ERICH2: variants seen among roughly 807,000 people sequenced by gnomAD.
ERICH2 encodes the protein glutamate-rich protein 2.
ERICH2 carries 17 observed loss-of-function variants against 17.4 expected under a neutral mutation model. The observed-to-expected ratio is 0.98, with a 90% CI of 0.67 to 1.47. The LOEUF (loss-of-function observed/expected upper bound fraction) is 1.47, where lower values mean the gene tolerates loss of function less well. Among genes scored for constraint, ERICH2 ranks in the 40% most tolerant of loss-of-function variants. The pLI is 0.00. For synonymous variants in ERICH2, 51 were observed against 61.1 expected, an observed-to-expected ratio of 0.83 and a Z score of 0.77; for missense variants, 186 against 183.2, an observed-to-expected ratio of 1.01 and a Z score of -0.09.
the ERICH2 span, among the ~76,000 whole-genome samples, chr2:170,775,874 A>G: frequency 6.8e-5 from 1 of 14,802 alleles, no homozygotes; most frequent in Non-Finnish European, 1.6e-3. Flanking sequence ...AAAAATAAAA[A>G]CAATACGAAA....
At chr2:170,786,751 T>C (rs953765597) in intron 2 of ERICH2, among the ~76,000 whole-genome samples, 3 of 152,330 alleles carry the variant, frequency 2.0e-5, no homozygotes, top group Admixed American at 6.5e-5. Flanking sequence ...ATCTTTTCTT[T>C]GCAGTTATAA....
intron 3 of ERICH2, among the ~76,000 whole-genome samples, chr2:170,796,613 T>C (rs975980577): frequency 2.0e-5 from 3 of 152,044 alleles, no homozygotes; most frequent in African/African-American, 7.3e-5. Context: ...TTTTTGTATT[T>C]TTTTGTAGAG....
At chr2:170,791,090 A>G (rs1701277932) in intron 2 of ERICH2, among the ~76,000 whole-genome samples, 1 of 152,190 alleles carries the variant, frequency 6.6e-6, no homozygotes, top group Non-Finnish European at 1.5e-5. Context: ...ACCACTAAAT[A>G]TCATAATTAA....
chr2:170,779,412 A>G (rs1248315990), upstream of ERICH2, among the ~76,000 whole-genome samples: 1 of 152,222 alleles, frequency 6.6e-6, no homozygotes, highest in Non-Finnish European at 1.5e-5. Context: ...TGTGGACTCT[A>G]TAAACCACAA....
At chr2:170,785,880 TGTTGTGATATCACA>T (rs566274441) in intron 2 of ERICH2, among the ~76,000 whole-genome samples, 167 of 152,310 alleles carry the variant, frequency 1.1e-3, no homozygotes, top group African/African-American at 3.1e-3. Context: ...TTACCTCGCT[TGTTGTGATATCACA>T]GTCTGCCTTT....
chr2:170,793,731 CT>C (rs1163588767), intron 3 of ERICH2, among the ~76,000 whole-genome samples: 1 of 152,194 alleles, frequency 6.6e-6, no homozygotes, highest in Admixed American at 6.5e-5. Flanking sequence ...GGGAAAACCA[CT>C]GGAGGCTTTT....
the ERICH2 span, among the ~76,000 whole-genome samples, chr2:170,774,297 A>C: frequency 5.9e-5 from 9 of 152,194 alleles, no homozygotes; most frequent in African/African-American, 2.2e-4. Flanking sequence ...AATCATCCCC[A>C]TAGGACATCT....
At chr2:170,775,234 C>T in the ERICH2 span, among the ~76,000 whole-genome samples, 16 of 151,622 alleles carry the variant, frequency 1.1e-4, no homozygotes, top group South Asian at 3.1e-3. Flanking sequence ...TCAAGACCAG[C>T]TTGGGCAACA....
rs188634774 is a variant in ERICH2 at position 170,797,405 on chromosome 2, T to G, written c.275-636T>G. Among the ~76,000 whole-genome samples, 683 of 152,268 alleles carry G rather than the reference T, an allele frequency of 4.5e-3. 9 individuals carry two copies. Among genetic ancestry groups the G allele is most frequent in the African/African-American group, 0.015 (644 of 41,554 alleles). On this transcript the variant is annotated intron_variant, in intron 3 of 4. Transcript: ENST00000409885. ...CATATTTTGCAGAATTTGTACCTTC[T>G]TTGGGAAATGATTATGTTCATGAAA...
At chr2:170,797,609 G>A (rs1368923830) in intron 3 of ERICH2, among the ~76,000 whole-genome samples, 1 of 151,804 alleles carries the variant, frequency 6.6e-6, no homozygotes, top group Non-Finnish European at 1.5e-5. Context: ...ACTAGCCTGG[G>A]CAACATGGTG....
At chr2:170,798,630 T>C in intron 4 of ERICH2, 140 bp from the exon 10 acceptor site, 1 of 875,812 alleles carries the variant, frequency 1.1e-6, no homozygotes, top group Non-Finnish European at 1.7e-6. Flanking sequence ...CATTTGACCC[T>C]AGTGCAGTTA....
chr2:170,783,157 TA>T (rs1198792887), upstream of ERICH2: 2 of 151,252 alleles, frequency 1.3e-5, no homozygotes, highest in East Asian at 1.9e-4. Context: ...AAATAAAAAA[TA>T]AAAAAATAGG....
the ERICH2 span, chr2:170,777,256 A>T: frequency 4.9e-6 from 1 of 204,276 alleles, no homozygotes; most frequent in Non-Finnish European, 8.9e-6. Context: ...AACCAGCTTT[A>T]GTATAAAATT....
intron 3 of ERICH2, 118 bp downstream of exon 8, chr2:170,793,038 G>T: frequency 3.9e-6 from 2 of 513,918 alleles, no homozygotes; most frequent in South Asian, 4.7e-5. Flanking sequence ...TAGTGTCTCA[G>T]TGATTCCTTG....
chr2:170,794,109 T>TTC (rs1553568622), intron 3 of ERICH2, among the ~76,000 whole-genome samples: 1 of 129,332 alleles, frequency 7.7e-6, no homozygotes, highest in Non-Finnish European at 1.6e-5. Context: ...TTCTTTCTTT[T>TTC]TTTTTTTTTT....
At chr2:170,790,345 A>G (rs1384038440) in intron 2 of ERICH2, among the ~76,000 whole-genome samples, 1 of 152,052 alleles carries the variant, frequency 6.6e-6, no homozygotes, top group Non-Finnish European at 1.5e-5. Flanking sequence ...AAATACAAAC[A>G]GCCAGGCATG....
intron 2 of ERICH2, among the ~76,000 whole-genome samples, chr2:170,787,471 T>C (rs1701184145): frequency 1.3e-5 from 2 of 152,234 alleles, no homozygotes; most frequent in Admixed American, 1.3e-4. Flanking sequence ...GTGTGCTGCA[T>C]GTTAGGAGGA....
chr2:170,790,969 A>C (rs1559254910), intron 2 of ERICH2, among the ~76,000 whole-genome samples: 1 of 152,152 alleles, frequency 6.6e-6, no homozygotes, highest in African/African-American at 2.4e-5. Context: ...CAGAAACTAG[A>C]AAAATAAAAT....
At chr2:170,776,082 G>GT in the ERICH2 span, among the ~76,000 whole-genome samples, 1 of 151,850 alleles carries the variant, frequency 6.6e-6, no homozygotes, top group East Asian at 1.9e-4. Context: ...AAAAGTAAGA[G>GT]TTTATTTTTC....
Sources: gnomAD v4.1 joint callset for allele counts (sites outside exome capture counted in the v4.1 genomes callset) on GRCh38, gnomAD v4.1.1 for gene constraint, MANE v1.5 for transcripts, NCBI Gene and HGNC (gene_info 2026-07-23, HGNC 2026-07-21) for gene names.